Variants in DCC observed in about 807,000 individuals in gnomAD.
DCC encodes netrin receptor DCC.
DCC carries 58 observed loss-of-function variants against 172.5 expected under a neutral mutation model. The observed-to-expected ratio is 0.34, with a 90% confidence interval of 0.27 to 0.42. The LOEUF is 0.42. Ranked by LOEUF, DCC falls within the 10% of genes least tolerant of loss-of-function variation. The pLI is 1.00. For synonymous variants in DCC, 709 were observed against 644.5 expected, an observed-to-expected ratio of 1.10 and a Z score of -1.52; for missense variants, 1,740 against 1,791.0, an observed-to-expected ratio of 0.97 and a Z score of 0.51.
chr18:52,799,186 T>A (rs1378585248), intron 2 of DCC, among the ~76,000 whole-genome samples: 1 of 152,256 alleles, frequency 6.6e-6, no homozygotes, highest in Non-Finnish European at 1.5e-5. Flanking sequence ...AATCCGTGGC[T>A]ACTTGAGACT....
chr18:53,322,083 C>A lies in DCC; in HGVS notation c.2090C>A (p.Ser697Ter). 1 of 1,609,604 alleles carries A rather than the reference C, an allele frequency of 6.2e-7. No homozygotes were observed. Among genetic ancestry groups the A allele is most frequent in the Non-Finnish European group, 8.5e-7 (1 of 1,175,832 alleles). Reference sequence around the variant, plus strand: ...GGAAGTCAGTACAGTTTCCAGGTGTCAGCCATGACAGTCAATGGTACTGGA... The same window carrying A: ...GGAAGTCAGTACAGTTTCCAGGTGTAAGCCATGACAGTCAATGGTACTGGA... ...EKGSQYSFQVSAMTVNGTGPP... is the reference protein window; with the variant it reads ...EKGSQYSFQV Residue 697 changes from serine (S) to a stop codon, truncating the protein, a stop_gained, in exon 14 of 29, where the codon TCA (serine) becomes TAA (stop). Coordinates refer to ENST00000442544, the MANE Select transcript of DCC (RefSeq NM_005215.4). LOFTEE classifies it high-confidence loss of function.
At chr18:52,391,012 ATT>A (rs926405873) in intron 1 of DCC, among the ~76,000 whole-genome samples, 5 of 151,384 alleles carry the variant, frequency 3.3e-5, no homozygotes, top group Non-Finnish European at 7.4e-5. Flanking sequence ...CTTGTTACAG[ATT>A]TTTTTTTGTG....
chr18:53,256,420 T>C (rs1453542589), intron 12 of DCC, among the ~76,000 whole-genome samples: 1 of 152,292 alleles, frequency 6.6e-6, no homozygotes, highest in South Asian at 2.1e-4. Flanking sequence ...CAGTTTCAGC[T>C]TTCTACATAT....
intron 2 of DCC, among the ~76,000 whole-genome samples, chr18:52,871,163 G>A (rs1288177272): frequency 6.6e-6 from 1 of 152,004 alleles, no homozygotes; most frequent in Non-Finnish European, 1.5e-5. Context: ...ATATATCTTG[G>A]GTTCTCAACC....
chr18:52,846,608 AACACACACACACACACACACAC>A (rs71175524), intron 2 of DCC, among the ~76,000 whole-genome samples: 37 of 130,496 alleles, frequency 2.8e-4, no homozygotes, highest in African/African-American at 2.1e-4. Flanking sequence ...TGCCACTCCA[AACACACACACACACACACACAC>A]ACACACACAC....
intron 15 of DCC, among the ~76,000 whole-genome samples, chr18:53,343,085 A>T (rs2057681161): frequency 6.6e-6 from 1 of 151,596 alleles, no homozygotes; most frequent in Non-Finnish European, 1.5e-5. Flanking sequence ...ATTATCTAAA[A>T]TTTTCTGTTT....
chr18:52,421,867 G>A (rs1372247230), intron 1 of DCC, among the ~76,000 whole-genome samples: 4 of 152,124 alleles, frequency 2.6e-5, no homozygotes, highest in Non-Finnish European at 5.9e-5. Context: ...CCGGCCCAAT[G>A]GCCCCTGCAC....
At chr18:52,881,334 A>G (rs1162011714) in intron 2 of DCC, among the ~76,000 whole-genome samples, 2 of 151,930 alleles carry the variant, frequency 1.3e-5, no homozygotes, top group Middle Eastern at 3.4e-3. Flanking sequence ...TTCTTTGCCA[A>G]GCAGAAGCTG....
chr18:53,429,005 T>C (rs1314544710), intron 21 of DCC, among the ~76,000 whole-genome samples: 4 of 78,848 alleles, frequency 5.1e-5, no homozygotes, highest in Admixed American at 1.9e-4. Flanking sequence ...TTTTATATAA[T>C]ATATATTTTA....
At chr18:52,860,671 C>G (rs2039127233) in intron 2 of DCC, among the ~76,000 whole-genome samples, 1 of 152,142 alleles carries the variant, frequency 6.6e-6, no homozygotes. Context: ...TAGAGTATAG[C>G]AAGAATAGTG....
chr18:52,752,958 T>G (rs545021313), intron 2 of DCC, among the ~76,000 whole-genome samples: 167 of 152,010 alleles, frequency 1.1e-3, no homozygotes, highest in African/African-American at 4.0e-3. Flanking sequence ...TGAATAGTAT[T>G]CCATTGTGTG....
intron 12 of DCC, among the ~76,000 whole-genome samples, chr18:53,302,231 A>G (rs144472109): frequency 4.6e-4 from 70 of 151,980 alleles, no homozygotes; most frequent in African/African-American, 1.5e-3. Context: ...TAACTTCAAC[A>G]TATGACTCTT....
intron 1 of DCC, among the ~76,000 whole-genome samples, chr18:52,434,209 C>G (rs1467705522): frequency 6.6e-6 from 1 of 152,206 alleles, no homozygotes; most frequent in African/African-American, 2.4e-5. Context: ...ATTAGATATA[C>G]TTTACACCAC....
chr18:52,492,760 G>T (rs991623966), intron 1 of DCC, among the ~76,000 whole-genome samples: 1 of 152,056 alleles, frequency 6.6e-6, no homozygotes, highest in Non-Finnish European at 1.5e-5. Context: ...CAGCTACTCA[G>T]GTGAGACTCA....
At chr18:52,574,876 G>A (rs2033374599) in intron 1 of DCC, among the ~76,000 whole-genome samples, 1 of 152,044 alleles carries the variant, frequency 6.6e-6, no homozygotes, top group Admixed American at 6.6e-5. Flanking sequence ...TATGTGAATA[G>A]GCTTCCATAC....
At chr18:52,409,326 C>A (rs947405044) in intron 1 of DCC, 1 of 152,146 alleles carries the variant, frequency 6.6e-6, no homozygotes, top group Admixed American at 6.6e-5. Flanking sequence ...GCAGACAATG[C>A]TCATCAGCCA....
intron 7 of DCC, among the ~76,000 whole-genome samples, chr18:53,112,552 T>C (rs2043347882): frequency 6.6e-6 from 1 of 151,512 alleles, no homozygotes; most frequent in East Asian, 1.9e-4. Context: ...GATCAAATTA[T>C]GGGTGTATGA....
At chr18:53,360,894 T>C (rs1354850231) in intron 15 of DCC, among the ~76,000 whole-genome samples, 1 of 152,168 alleles carries the variant, frequency 6.6e-6, no homozygotes, top group Non-Finnish European at 1.5e-5. Flanking sequence ...GAGATGCTTC[T>C]TTAAAAGGTG....
chr18:52,402,305 G>A (rs1986470764), intron 1 of DCC, among the ~76,000 whole-genome samples: 1 of 151,982 alleles, frequency 6.6e-6, no homozygotes, highest in African/African-American at 2.4e-5. Context: ...CATTTTGGGT[G>A]ATCAGAATAT....
Sources: allele counts gnomAD v4.1 joint callset (sites outside exome capture counted in the v4.1 genomes callset), GRCh38; gene constraint gnomAD v4.1.1; transcripts MANE v1.5; gene names NCBI Gene and HGNC (gene_info 2026-07-23, HGNC 2026-07-21).